RASGRF2: variants seen among roughly 807,000 people sequenced by gnomAD.
The protein encoded by RASGRF2 is Ras protein specific guanine nucleotide releasing factor 2.
In RASGRF2, 76 loss-of-function variants were observed where a neutral mutation model predicts 151.0. That is an observed-to-expected ratio of 0.50 (90% CI 0.42 to 0.61). The LOEUF (loss-of-function observed/expected upper bound fraction) is 0.61. RASGRF2 is among the 20% of genes least tolerant of loss of function. The probability of loss-of-function intolerance (pLI) is 0.00; values close to 1 mark genes in which losing one functional copy is unlikely to be tolerated. For missense variants in RASGRF2, 1,148 were observed against 1,564.6 expected (o/e 0.73, Z 4.49); for synonymous variants, 504 against 566.5 (o/e 0.89, Z 1.57).
chr5:81,103,417 G>A (rs1381337214), intron 12 of RASGRF2, among the ~76,000 whole-genome samples: 2 of 151,852 alleles, frequency 1.3e-5, no homozygotes, highest in South Asian at 4.2e-4. Context: ...CAGCAAAGAG[G>A]GTTAAAGAGA....
At chr5:81,180,731 C>T (rs1319809312) in intron 18 of RASGRF2, among the ~76,000 whole-genome samples, 1 of 146,234 alleles carries the variant, frequency 6.8e-6, no homozygotes, top group Admixed American at 7.0e-5. Context: ...AAATAACACT[C>T]TGGGATCTGG....
At chr5:81,046,475 G>A (rs1431600356) in intron 2 of RASGRF2, among the ~76,000 whole-genome samples, 1 of 151,892 alleles carries the variant, frequency 6.6e-6, no homozygotes, top group Admixed American at 6.6e-5. Flanking sequence ...CTTACCATTG[G>A]CCAATACTGC....
intron 18 of RASGRF2, among the ~76,000 whole-genome samples, chr5:81,196,982 C>G (rs1363654182): frequency 6.6e-6 from 1 of 152,156 alleles, no homozygotes; most frequent in East Asian, 1.9e-4. Context: ...AACTATTACT[C>G]TCTTCTCTTT....
At chr5:81,015,279 G>A (rs912518287) in intron 1 of RASGRF2, among the ~76,000 whole-genome samples, 1 of 152,130 alleles carries the variant, frequency 6.6e-6, no homozygotes, top group Non-Finnish European at 1.5e-5. Context: ...TGGGTATATA[G>A]CCAGTAATGG....
chr5:81,008,605 TAC>T (rs1749353791), intron 1 of RASGRF2, among the ~76,000 whole-genome samples: 1 of 152,190 alleles, frequency 6.6e-6, no homozygotes, highest in Admixed American at 6.5e-5. Flanking sequence ...GTCTATAAAA[TAC>T]ATACCAGCAT....
intron 17 of RASGRF2, among the ~76,000 whole-genome samples, chr5:81,157,783 T>C (rs10074660): frequency 0.23 from 35,617 of 151,998 alleles, 4,378 homozygotes; most frequent in East Asian, 0.36. Context: ...TCAGATCTCA[T>C]GAGAACTCAC....
rs778249891 is a variant in RASGRF2, at chr5:81,123,791, A to C, written c.2596+24A>C. The C allele has an allele frequency of 2.5e-6, 4 of 1,596,754 alleles. No homozygotes were observed. In the Admixed American group the frequency reaches 7.1e-5, roughly 28 times the overall value. ...AGGTAAGAGCTCAAGAGGGACTCAG[A>C]AATAGAAACGTGAAAAATGATTTCT... On this transcript the variant is annotated intron_variant, in intron 16 of 26. Transcript: ENST00000265080.
chr5:81,082,119 G>A (rs770888910), intron 7 of RASGRF2, among the ~76,000 whole-genome samples: 54 of 152,174 alleles, frequency 3.5e-4, no homozygotes, highest in Non-Finnish European at 1.2e-4. Flanking sequence ...AATATACAAA[G>A]GTAGAGTCGT....
At chr5:81,165,562 A>T (rs1754486257) in intron 17 of RASGRF2, among the ~76,000 whole-genome samples, 1 of 152,224 alleles carries the variant, frequency 6.6e-6, no homozygotes, top group Non-Finnish European at 1.5e-5. Flanking sequence ...CATCACAGGA[A>T]AATCCATCTT....
At chr5:81,113,382 G>T in intron 14 of RASGRF2, 156 bp from the exon 15 acceptor site, 1 of 847,482 alleles carries the variant, frequency 1.2e-6, no homozygotes. Context: ...TTGGCAGGTG[G>T]AGGGTATACA....
chr5:81,061,642 G>T (rs1751436327), intron 2 of RASGRF2, among the ~76,000 whole-genome samples: 1 of 151,616 alleles, frequency 6.6e-6, no homozygotes, highest in Non-Finnish European at 1.5e-5. Flanking sequence ...TTGAGTAGCT[G>T]GGACTATAGG....
intron 2 of RASGRF2, among the ~76,000 whole-genome samples, chr5:81,043,504 G>T (rs1193383645): frequency 1.3e-5 from 2 of 152,170 alleles, no homozygotes; most frequent in Admixed American, 6.5e-5. Context: ...TAAAGAAATA[G>T]AACACTGTGA....
Position 81,015,806 on chromosome 5 carries a change from A to G in RASGRF2, c.289-27071A>G, listed in dbSNP as rs970522005. On this transcript the variant is annotated intron_variant, in intron 1 of 26. Transcript: ENST00000265080. ...TGTGTTAGTTATTGCACTTAAATTC[A>G]TTGAGTAGTTAGCACTTAAAATGCA... Among the ~76,000 whole-genome samples, 11 of 152,328 alleles carry G rather than the reference A, an allele frequency of 7.2e-5. No homozygotes were observed. The East Asian group carries it at 2.1e-3, about 29-fold the overall frequency.
chr5:81,094,604 AT>A lies in RASGRF2; in HGVS notation c.1619-244del, dbSNP rs201331991. Among the ~76,000 whole-genome samples the A allele has an allele frequency of 1.0e-3, 157 of 152,142 alleles. 1 individual carries two copies. Among genetic ancestry groups the A allele is most frequent in the African/African-American group, 3.6e-3 (148 of 41,520 alleles). On this transcript the variant is annotated intron_variant, in intron 11 of 26. Coordinates refer to ENST00000265080, the MANE Select transcript of RASGRF2 (RefSeq NM_006909.3). ...TGTTGGAATTCTATAAATCATGGGA[AT>A]TTTTTTTAAAAAAAACTATGAAATC... is the stretch of plus-strand genomic sequence containing the variant.
At chr5:81,053,842 A>T (rs979558422) in intron 2 of RASGRF2, among the ~76,000 whole-genome samples, 3 of 152,100 alleles carry the variant, frequency 2.0e-5, no homozygotes, top group African/African-American at 7.2e-5. Flanking sequence ...ATGGTATCTC[A>T]TTGTGGTTTT....
chr5:81,193,378 C>CCA (rs1254896165), intron 18 of RASGRF2, among the ~76,000 whole-genome samples: 1 of 152,184 alleles, frequency 6.6e-6, no homozygotes, highest in Non-Finnish European at 1.5e-5. Context: ...AGACTGGAAA[C>CCA]CACAGTTTCC....
chr5:81,195,652 T>G (rs1755249130), intron 18 of RASGRF2, among the ~76,000 whole-genome samples: 1 of 151,502 alleles, frequency 6.6e-6, no homozygotes, highest in Non-Finnish European at 1.5e-5. Context: ...GCCAGCAGCA[T>G]CAGCATCACC....
At chr5:81,122,583 G>A (rs958653921) in intron 15 of RASGRF2, among the ~76,000 whole-genome samples, 13 of 152,186 alleles carry the variant, frequency 8.5e-5, no homozygotes, top group African/African-American at 3.1e-4. Flanking sequence ...TTGAAAGTTT[G>A]TTGAGTGAAA....
Position 81,123,779 on chromosome 5 carries a change from A to T in RASGRF2, c.2596+12A>T. The T allele has an allele frequency of 6.2e-7, 1 of 1,606,144 alleles. No individual in the cohort carries two copies. The highest frequency in any genetic ancestry group is 8.5e-7 in the Non-Finnish European group (1 of 1,176,674). On this transcript the variant is annotated intron_variant, in intron 16 of 26. Transcript: ENST00000265080. Reference sequence around the variant, plus strand: ...TCGACAGCCTGGAGGTAAGAGCTCAAGAGGGACTCAGAAATAGAAACGTGA... The same window carrying T: ...TCGACAGCCTGGAGGTAAGAGCTCATGAGGGACTCAGAAATAGAAACGTGA...
Sources: allele counts gnomAD v4.1 joint callset (sites outside exome capture counted in the v4.1 genomes callset), GRCh38; gene constraint gnomAD v4.1.1; transcripts MANE v1.5; gene names NCBI Gene and HGNC (gene_info 2026-07-23, HGNC 2026-07-21).